Variants in UNC5C observed in about 807,000 individuals in gnomAD.
UNC5C encodes netrin receptor UNC5C.
Under a neutral mutation model 99.8 loss-of-function variants are expected in UNC5C, and 47 were observed. That is an observed-to-expected ratio of 0.47 (90% confidence interval 0.37 to 0.60). The LOEUF (loss-of-function observed/expected upper bound fraction) is 0.60. Among genes scored for constraint, UNC5C ranks in the 20% least tolerant of loss-of-function variants. The pLI, the probability that UNC5C is intolerant of heterozygous loss-of-function variation, is 0.00. For synonymous variants in UNC5C, 487 were observed against 452.2 expected (o/e 1.08, Z -0.98); for missense variants, 1,062 against 1,165.9 (o/e 0.91, Z 1.30).
At chr4:95,463,139 G>C (rs1323968764) in intron 1 of UNC5C, among the ~76,000 whole-genome samples, 1 of 152,144 alleles carries the variant, frequency 6.6e-6, no homozygotes, top group African/African-American at 2.4e-5. Flanking sequence ...TAGCCACATA[G>C]AGCACTAAAG....
chr4:95,348,164 C>T (rs1743847971), intron 1 of UNC5C, among the ~76,000 whole-genome samples: 1 of 152,036 alleles, frequency 6.6e-6, no homozygotes, highest in Non-Finnish European at 1.5e-5. Flanking sequence ...AGGTGCTCAA[C>T]ATCATTGATC....
chr4:95,491,671 T>G (rs1206423138), intron 1 of UNC5C, among the ~76,000 whole-genome samples: 1 of 151,604 alleles, frequency 6.6e-6, no homozygotes, highest in Non-Finnish European at 1.5e-5. Context: ...GACAATGTAT[T>G]TGAAAATTAT....
chr4:95,171,691 G>A (rs374175169), intron 14 of UNC5C, among the ~76,000 whole-genome samples: 10 of 151,524 alleles, frequency 6.6e-5, no homozygotes, highest in African/African-American at 9.7e-5. Flanking sequence ...TAGTGCCGCA[G>A]TAAACATACG....
At chr4:95,261,463 A>G (rs1740223361) in intron 4 of UNC5C, among the ~76,000 whole-genome samples, 1 of 152,222 alleles carries the variant, frequency 6.6e-6, no homozygotes, top group African/African-American at 2.4e-5. Flanking sequence ...AAATTCCACT[A>G]TTAGAAGGAT....
intron 1 of UNC5C, among the ~76,000 whole-genome samples, chr4:95,387,368 G>A (rs1745242146): frequency 6.6e-6 from 1 of 152,150 alleles, no homozygotes; most frequent in Non-Finnish European, 1.5e-5. Context: ...TCGATGACCT[G>A]AGCTCAAGCT....
chr4:95,514,612 G>C (rs140350249), intron 1 of UNC5C, among the ~76,000 whole-genome samples: 1 of 149,256 alleles, frequency 6.7e-6, no homozygotes, highest in African/African-American at 2.4e-5. Flanking sequence ...TGTTCTATAA[G>C]AGCAGCAATA....
At chr4:95,180,234 G>GTAA (rs1414346513) in intron 14 of UNC5C, among the ~76,000 whole-genome samples, 1 of 151,950 alleles carries the variant, frequency 6.6e-6, no homozygotes, top group Non-Finnish European at 1.5e-5. Flanking sequence ...AAAGGATTAA[G>GTAA]TAATTGGCCC....
At chr4:95,361,967 T>TATATATATATATATATATATATATA (rs1560804478) in intron 1 of UNC5C, among the ~76,000 whole-genome samples, 2 of 149,666 alleles carry the variant, frequency 1.3e-5, no homozygotes, top group South Asian at 4.2e-4. Context: ...CTATTATCTA[T>TATATATATATATATATATATATATA]TATATATATA....
chr4:95,516,612 A>G (rs1578204582), intron 1 of UNC5C, among the ~76,000 whole-genome samples: 1 of 152,144 alleles, frequency 6.6e-6, no homozygotes, highest in Non-Finnish European at 1.5e-5. Flanking sequence ...TGGACGCTGG[A>G]GCCTTTAGAG....
intron 1 of UNC5C, among the ~76,000 whole-genome samples, chr4:95,509,847 G>C (rs1722021984): frequency 6.6e-6 from 1 of 151,802 alleles, no homozygotes; most frequent in African/African-American, 2.4e-5. Context: ...AGCCACACTA[G>C]TATATAAATT....
At chr4:95,371,273 TA>T (rs1431708768) in intron 1 of UNC5C, among the ~76,000 whole-genome samples, 3 of 152,022 alleles carry the variant, frequency 2.0e-5, no homozygotes, top group Admixed American at 2.0e-4. Flanking sequence ...GGACATGAAA[TA>T]AAAAGAAACA....
chr4:95,256,259 C>G (rs1256663866), intron 4 of UNC5C, among the ~76,000 whole-genome samples: 1 of 152,158 alleles, frequency 6.6e-6, no homozygotes, highest in Non-Finnish European at 1.5e-5. Flanking sequence ...CACCGCTGAT[C>G]TCCAGACTCG....
chr4:95,309,735 C>G (rs939831880), intron 2 of UNC5C, among the ~76,000 whole-genome samples: 12 of 152,104 alleles, frequency 7.9e-5, no homozygotes, highest in African/African-American at 2.9e-4. Flanking sequence ...GATATCACCT[C>G]ACACCTGGAA....
At chr4:95,325,668 C>A (rs1235343176) in intron 2 of UNC5C, among the ~76,000 whole-genome samples, 1 of 152,104 alleles carries the variant, frequency 6.6e-6, no homozygotes, top group Non-Finnish European at 1.5e-5. Context: ...AATTTATGCC[C>A]AATTATAGCT....
chr4:95,301,458 G>T, intron 3 of UNC5C, 148 bp downstream of exon 3: 2 of 1,042,468 alleles, frequency 1.9e-6, no homozygotes, highest in South Asian at 1.7e-5. Context: ...GCCTCCCAAA[G>T]TGCTGGGATT....
intron 1 of UNC5C, among the ~76,000 whole-genome samples, chr4:95,472,403 G>C (rs190277568): frequency 5.3e-5 from 8 of 152,154 alleles, no homozygotes; most frequent in African/African-American, 1.9e-4. Context: ...GATCATGAGG[G>C]GGAGAGGAAT....
chr4:95,195,016 G>A (rs552543858), intron 12 of UNC5C, among the ~76,000 whole-genome samples: 6 of 152,198 alleles, frequency 3.9e-5, no homozygotes, highest in Admixed American at 2.6e-4. Flanking sequence ...CAACCAGACC[G>A]CTACCAAACC....
chr4:95,171,045 A>G (rs1421151532), intron 14 of UNC5C, among the ~76,000 whole-genome samples: 2 of 152,220 alleles, frequency 1.3e-5, no homozygotes, highest in African/African-American at 2.4e-5. Flanking sequence ...AGATAGTCTC[A>G]GCTCATAAAA....
intron 1 of UNC5C, among the ~76,000 whole-genome samples, chr4:95,510,998 A>G (rs2149487395): frequency 6.6e-6 from 1 of 152,250 alleles, no homozygotes; most frequent in South Asian, 2.1e-4. Context: ...TGATTTCATA[A>G]TTTCTGTTGA....
Sources: gnomAD v4.1 joint callset for allele counts (sites outside exome capture counted in the v4.1 genomes callset) on GRCh38, gnomAD v4.1.1 for gene constraint, MANE v1.5 for transcripts, NCBI Gene and HGNC (gene_info 2026-07-23, HGNC 2026-07-21) for gene names.